The following NPHS2 variants were observed in gnomAD, a reference collection of about 807,000 sequenced individuals.
The protein encoded by NPHS2 is podocin.
In NPHS2, 36 loss-of-function variants were observed where a neutral mutation model predicts 37.1. The ratio of observed to expected loss-of-function variants is 0.97; its 90% CI spans 0.74 to 1.28. NPHS2 has a LOEUF of 1.28. NPHS2 is among the 50% of genes most tolerant of loss of function. The probability of loss-of-function intolerance (pLI) is 0.00; values close to 1 mark genes in which losing one functional copy is unlikely to be tolerated. For missense variants in NPHS2, 447 were observed against 488.1 expected (o/e 0.92, Z 0.79); for synonymous variants, 196 against 189.3 (o/e 1.04, Z -0.29).
chr1:179,564,540 G>A, intron 2 of NPHS2, 150 bp downstream of exon 2: 1 of 734,464 alleles, frequency 1.4e-6, no homozygotes, highest in African/African-American at 1.7e-5. Flanking sequence ...CAAGGTCTTG[G>A]AGGAGTAAGC....
rs1014302312 is a variant in NPHS2 at position 179,575,938 on chromosome 1, C to T, written c.-74G>A. On this transcript the variant is annotated 5_prime_UTR_variant, in exon 1 of 8. Coordinates refer to ENST00000367615, the MANE Select transcript of NPHS2 (RefSeq NM_014625.4). The stretch of plus-strand genomic sequence containing the variant: ...CACGGGAGCGCAGTCCCTGTGGAGT[C>T]GCTGCGGGTCCGCGTGGCGTGCCCG... 7.9e-7 allele frequency: 1 copy of T among 1,273,874 alleles called. No homozygotes were observed. Among genetic ancestry groups the T allele is most frequent in the Non-Finnish European group, 9.9e-7 (1 of 1,005,604 alleles). 78.9% of individuals were successfully genotyped at this position (1,273,874 alleles called of 1,614,324 possible).
chr1:179,557,463 T>C (rs1435128668), intron 4 of NPHS2, among the ~76,000 whole-genome samples: 1 of 152,128 alleles, frequency 6.6e-6, no homozygotes, highest in Non-Finnish European at 1.5e-5. Context: ...AAATCAGAAA[T>C]AATTTTCTCA....
At position 179,554,522 on chromosome 1, in the gene NPHS2, C is replaced by T; in HGVS notation, c.748G>A (p.Asp250Asn). 6.2e-7 allele frequency: 1 copy of T among 1,614,134 alleles called. No homozygotes were observed. The highest frequency in any genetic ancestry group is 1.3e-5 in the African/African-American group (1 of 75,020). The change falls in exon 6 of 8, where the codon GAT (aspartate) becomes AAT (asparagine). Residue 250 changes from aspartate (D) to asparagine (N), a missense_variant. Coordinates refer to ENST00000367615, the MANE Select transcript of NPHS2 (RefSeq NM_014625.4). ...SIAQDAKVAL[D>N]SVTCIWGIKV... ...ATTCCCCAAATACAGGTCACTGAAT[C>T]CAAGGCAACCTGTGGAAAGAAGAAT...
chr1:179,552,514 T>C, intron 7 of NPHS2, 89 bp downstream of exon 7: 1 of 1,019,140 alleles, frequency 9.8e-7, no homozygotes, highest in Non-Finnish European at 1.5e-6. Context: ...CAGTGCCTAA[T>C]GAATGGACAG....
chr1:179,552,125 C>T (rs7518557), intron 7 of NPHS2: 155,502 of 170,028 alleles, frequency 0.91, 71,215 homozygotes, highest in East Asian at 0.96. Flanking sequence ...ACATCTTTGC[C>T]TCTTGCTGTC....
chr1:179,568,901 C>T (rs1452841193), intron 1 of NPHS2, among the ~76,000 whole-genome samples: 27 of 152,208 alleles, frequency 1.8e-4, no homozygotes. Flanking sequence ...TTTGATTGCA[C>T]TGTGGTCTGA....
At chr1:179,558,030 T>C (rs907552761) in intron 4 of NPHS2, among the ~76,000 whole-genome samples, 1 of 152,134 alleles carries the variant, frequency 6.6e-6, no homozygotes, top group Non-Finnish European at 1.5e-5. Flanking sequence ...GGTAACAGGA[T>C]TGGGGTGAGT....
At chr1:179,555,883 A>T (rs939389738) in intron 5 of NPHS2, among the ~76,000 whole-genome samples, 2 of 152,190 alleles carry the variant, frequency 1.3e-5, no homozygotes, top group African/African-American at 4.8e-5. Context: ...CAAGAGATGG[A>T]TAAAACATAG....
chr1:179,571,449 AGGG>A (rs922985538), intron 1 of NPHS2, among the ~76,000 whole-genome samples: 1 of 152,126 alleles, frequency 6.6e-6, no homozygotes, highest in Non-Finnish European at 1.5e-5. Flanking sequence ...GCTTCATCCC[AGGG>A]GGGCAGCCGC....
At chr1:179,568,605 T>C (rs1674426137) in intron 1 of NPHS2, among the ~76,000 whole-genome samples, 1 of 152,214 alleles carries the variant, frequency 6.6e-6, no homozygotes, top group Admixed American at 6.5e-5. Context: ...TTTGAATTTG[T>C]TTGCTCTTGC....
chr1:179,571,745 C>T (rs926235600), intron 1 of NPHS2, among the ~76,000 whole-genome samples: 1 of 152,242 alleles, frequency 6.6e-6, no homozygotes, highest in Non-Finnish European at 1.5e-5. Flanking sequence ...TTCCTGGCTA[C>T]TTTGTTTACC....
chr1:179,564,959 G>A (rs1175606781), intron 1 of NPHS2, among the ~76,000 whole-genome samples, 166 bp from the exon 2 acceptor site: 2 of 152,118 alleles, frequency 1.3e-5, no homozygotes, highest in African/African-American at 2.4e-5. Flanking sequence ...CAGGGCCTGG[G>A]GAGGAGCAGG....
intron 1 of NPHS2, among the ~76,000 whole-genome samples, chr1:179,569,949 G>A (rs1361148103): frequency 1.3e-5 from 2 of 152,154 alleles, no homozygotes; most frequent in Admixed American, 6.5e-5. Flanking sequence ...TGGGTAACTC[G>A]ACCTTTCTCT....
In NPHS2 at chr1:179,575,905, G is replaced by C; in HGVS notation, c.-41C>G. Reference sequence around the variant, plus strand: ...GCGGCTGGAGCAGCAGCGCGGGAGCGCTAGGGGCACGGGAGCGCAGTCCCT... The same window carrying C: ...GCGGCTGGAGCAGCAGCGCGGGAGCCCTAGGGGCACGGGAGCGCAGTCCCT... On this transcript the variant is annotated 5_prime_UTR_variant, in exon 1 of 8. Transcript: ENST00000367615. 1 of 1,370,212 alleles carries C rather than the reference G, an allele frequency of 7.3e-7. No homozygotes were observed. Among genetic ancestry groups the C allele is most frequent in the South Asian group, 1.9e-5 (1 of 53,298 alleles). 84.9% of individuals were successfully genotyped at this position (1,370,212 alleles called of 1,614,324 possible).
At position 179,561,941 on chromosome 1, in the gene NPHS2, T is replaced by G. The variant is rs1182898001; in HGVS notation, c.379-580A>C. Among the ~76,000 whole-genome samples, 6 of 151,978 alleles carry G rather than the reference T, an allele frequency of 3.9e-5. No homozygotes were observed. In the East Asian group the frequency reaches 1.2e-3, roughly 29 times the overall value. On this transcript the variant is annotated intron_variant, in intron 2 of 7. Coordinates refer to ENST00000367615, the MANE Select transcript of NPHS2 (RefSeq NM_014625.4). ...CTGCCTCAGCCTCCCAAGTAGCTGG[T>G]ATTACAGGTGTAAGCCACCATGCCT...
At chr1:179,574,442 G>A (rs1283323074) in intron 1 of NPHS2, among the ~76,000 whole-genome samples, 1 of 152,152 alleles carries the variant, frequency 6.6e-6, no homozygotes, top group African/African-American at 2.4e-5. Flanking sequence ...CATAAATGGT[G>A]GCTTCCTTAC....
rs267598208 is a variant in NPHS2 at position 179,564,690 on chromosome 1, C to G, written c.378G>C (p.Lys126Asn). ...TFPFSIWFCV[K>N]VVQEYERVII... The stretch of plus-strand genomic sequence containing the variant: ...CTATTGGGTCCTTATGGAATCTCAC[C>G]TTTACGCAGAACCAGATGGAAAAAG... The change falls in exon 2 of 8, where the codon AAG (lysine) becomes AAC (asparagine). Residue 126 changes from lysine to asparagine, a missense_variant and splice_region_variant. Coordinates refer to ENST00000367615, the MANE Select transcript of NPHS2 (RefSeq NM_014625.4). The G allele has an allele frequency of 1.9e-6, 3 of 1,613,414 alleles. No individual in the cohort carries two copies. The South Asian group carries it at 3.3e-5, about 18-fold the overall frequency.
At position 179,561,252 on chromosome 1, in the gene NPHS2, G is replaced by A. The variant is rs749332579; in HGVS notation, c.451+37C>T. The A allele has an allele frequency of 2.0e-6, 3 of 1,471,460 alleles. No individual in the cohort carries two copies. The African/African-American group carries it at 4.2e-5, about 20-fold the overall frequency. The allele number at this position is 1,471,460 out of a possible 1,614,324, so 91.2% of individuals were successfully genotyped here. On this transcript the variant is annotated intron_variant, in intron 3 of 7. Transcript: ENST00000367615. ...TGGGTTGAAGAAATTGGCAAGTCAGGAGAGAGGTGTTTAGAAAAAAAAGAG... is the reference window on the plus strand; with the variant it reads ...TGGGTTGAAGAAATTGGCAAGTCAGAAGAGAGGTGTTTAGAAAAAAAAGAG...
rs1355832790 is a variant in NPHS2 at position 179,575,856 on chromosome 1, C to A, written c.9G>T (p.Arg3Ser). Residue 3 changes from arginine (R) to serine (S), a missense_variant, in exon 1 of 8, where the codon AGG becomes AGT. Physicochemically the swap from Arg to Ser is moderately radical, Grantham distance 110. Coordinates refer to ENST00000367615, the MANE Select transcript of NPHS2 (RefSeq NM_014625.4). ME[R>S]RARSSSRESR... Reference sequence around the variant, plus strand: ...ACTCCCTGGAGGAGCTCCGCGCCCTCCTCTCCATCCTCAGAGCTGCCGGGC... The same window carrying A: ...ACTCCCTGGAGGAGCTCCGCGCCCTACTCTCCATCCTCAGAGCTGCCGGGC... The A allele has an allele frequency of 1.4e-6, 2 of 1,417,820 alleles. No individual in the cohort carries two copies. Among genetic ancestry groups the A allele is most frequent in the Non-Finnish European group, 1.8e-6 (2 of 1,094,744 alleles). 87.8% of individuals were successfully genotyped at this position (1,417,820 alleles called of 1,614,324 possible).
Sources: allele counts gnomAD v4.1 joint callset (sites outside exome capture counted in the v4.1 genomes callset), GRCh38; gene constraint gnomAD v4.1.1; transcripts MANE v1.5; gene names NCBI Gene and HGNC (gene_info 2026-07-23, HGNC 2026-07-21).